Variants in SLC30A7 observed in about 807,000 individuals in gnomAD.
SLC30A7 encodes solute carrier family 30 member 7.
In SLC30A7, 35 loss-of-function variants were observed where a neutral mutation model predicts 46.0. The observed-to-expected ratio is 0.76, with a 90% confidence interval of 0.58 to 1.01. The LOEUF (loss-of-function observed/expected upper bound fraction) is 1.01. Among genes scored for constraint, SLC30A7 ranks in the 50% least tolerant of loss-of-function variants. The pLI is 0.00. For missense variants in SLC30A7, 464 were observed against 451.1 expected (o/e 1.03, Z -0.26); for synonymous variants, 147 against 157.8 (o/e 0.93, Z 0.51).
At chr1:100,934,627 T>TA (rs1653844315) in intron 8 of SLC30A7, among the ~76,000 whole-genome samples, 1 of 151,164 alleles carries the variant, frequency 6.6e-6, no homozygotes, top group Non-Finnish European at 1.5e-5. Flanking sequence ...AGAACACATC[T>TA]AGTGAGGATA....
At chr1:100,915,134 C>A (rs2101022508) in intron 6 of SLC30A7, among the ~76,000 whole-genome samples, 1 of 151,370 alleles carries the variant, frequency 6.6e-6, no homozygotes, top group East Asian at 1.9e-4. Context: ...CTTTTCTTTT[C>A]TTCTTTCTTT....
chr1:100,961,979 G>C (rs1432352920), intron 9 of SLC30A7, 61 bp downstream of exon 9: 2 of 1,061,518 alleles, frequency 1.9e-6, no homozygotes, highest in Non-Finnish European at 2.8e-6. Flanking sequence ...TTGATTTTCA[G>C]CTTTCACAAA....
chr1:100,990,952 G>A, the SLC30A7 span, among the ~76,000 whole-genome samples: 1 of 152,116 alleles, frequency 6.6e-6, no homozygotes, highest in African/African-American at 2.4e-5. Flanking sequence ...AGTAAACAAT[G>A]TTTATTACAC....
At chr1:100,941,701 G>T in intron 8 of SLC30A7, 1 of 643,830 alleles carries the variant, frequency 1.6e-6, no homozygotes, top group South Asian at 1.4e-5. Flanking sequence ...AGCTCTCTTT[G>T]GTTCCACAAC....
intron 3 of SLC30A7, among the ~76,000 whole-genome samples, chr1:100,909,171 G>A (rs577998307): frequency 6.6e-6 from 1 of 152,206 alleles, no homozygotes; most frequent in African/African-American, 2.4e-5. Context: ...AACTACTGGT[G>A]TCAGTGAATC....
At chr1:100,988,591 A>G in the SLC30A7 span, among the ~76,000 whole-genome samples, 2 of 152,208 alleles carry the variant, frequency 1.3e-5, no homozygotes, top group Non-Finnish European at 2.9e-5. Context: ...CATGCCTGTA[A>G]TCCCAGCACT....
intron 8 of SLC30A7, among the ~76,000 whole-genome samples, chr1:100,956,999 A>T (rs1655257300): frequency 6.6e-6 from 1 of 152,188 alleles, no homozygotes; most frequent in Non-Finnish European, 1.5e-5. Context: ...TTTCTCTGAG[A>T]TGAAATATTC....
chr1:100,993,934 G>A, the SLC30A7 span, among the ~76,000 whole-genome samples: 22 of 151,928 alleles, frequency 1.4e-4, no homozygotes, highest in Non-Finnish European at 2.1e-4. Context: ...AGTACAGACG[G>A]GGTTTCACCA....
intron 8 of SLC30A7, among the ~76,000 whole-genome samples, chr1:100,948,341 C>A (rs1205758448): frequency 6.6e-6 from 1 of 152,160 alleles, no homozygotes; most frequent in Non-Finnish European, 1.5e-5. Flanking sequence ...GTTGAAAATT[C>A]TTTTCTTTAA....
At chr1:100,965,696 G>T in intron 9 of SLC30A7, 73 bp from the exon 10 acceptor site, 1 of 1,236,876 alleles carries the variant, frequency 8.1e-7, no homozygotes, top group Non-Finnish European at 1.2e-6. Context: ...TTACTGATAT[G>T]TTGCATAATA....
At chr1:100,905,575 T>C (rs1433945665) in intron 2 of SLC30A7, among the ~76,000 whole-genome samples, 1 of 152,148 alleles carries the variant, frequency 6.6e-6, no homozygotes, top group Non-Finnish European at 1.5e-5. Context: ...TTTGGGATGC[T>C]CTGCTTTTTT....
At position 100,915,260 on chromosome 1, in the gene SLC30A7, T is replaced by TCTTC. The variant is rs1557981562; in HGVS notation, c.655+1457_655+1458insCCTT. On this transcript the variant is annotated intron_variant, in intron 6 of 10. Coordinates refer to ENST00000357650, the MANE Select transcript of SLC30A7 (RefSeq NM_133496.5). ...TTCTTTCTTTCTTTCTTTCTTCCTT[T>TCTTC]CTTTCTTTCTTTCTACTTTTGCAGT... Among the ~76,000 whole-genome samples the TCTTC allele has an allele frequency of 1.0e-4, 14 of 136,850 alleles. No homozygotes were observed. The East Asian group carries it at 2.7e-3, about 27-fold the overall frequency. 89.8% of individuals were successfully genotyped at this position (136,850 alleles called of 152,430 possible).
chr1:100,947,436 G>A (rs1479612835), intron 8 of SLC30A7, among the ~76,000 whole-genome samples: 1 of 152,138 alleles, frequency 6.6e-6, no homozygotes, highest in East Asian at 1.9e-4. Flanking sequence ...TGTGATTTCT[G>A]TTCTTTTACA....
rs1470284419 is a variant in SLC30A7, at chr1:100,981,022, T to C, written c.*6165T>C. 6.6e-6 allele frequency: 1 copy of C among 152,146 alleles called. No individual in the cohort carries two copies. Among genetic ancestry groups the C allele is most frequent in the African/African-American group, 2.4e-5 (1 of 41,446 alleles). 9.4% of individuals were successfully genotyped at this position (152,146 alleles called of 1,614,324 possible). A position where few individuals can be genotyped will look rare whatever the true frequency, so the allele number is the denominator to read the frequency against. On this transcript the variant is annotated 3_prime_UTR_variant, in exon 11 of 11. Coordinates refer to ENST00000357650, the MANE Select transcript of SLC30A7 (RefSeq NM_133496.5). ...ATTTTTTACCTTTCTCTTTTTCCTC[T>C]CAAACACAAAATTTTAGTAGTACCT...
At chr1:100,967,079 TAAG>T (rs1655910130) in intron 10 of SLC30A7, among the ~76,000 whole-genome samples, 1 of 152,188 alleles carries the variant, frequency 6.6e-6, no homozygotes. Flanking sequence ...ATTGGGAGAA[TAAG>T]AAGGTCATGT....
chr1:100,912,562 A>T (rs1481976991), intron 5 of SLC30A7, among the ~76,000 whole-genome samples: 4 of 152,070 alleles, frequency 2.6e-5, no homozygotes. Context: ...AGTGGCTTAC[A>T]CCTATAATTC....
chr1:100,987,941 C>G, the SLC30A7 span, among the ~76,000 whole-genome samples: 1 of 152,116 alleles, frequency 6.6e-6, no homozygotes, highest in Non-Finnish European at 1.5e-5. Flanking sequence ...GTTTGGGAAG[C>G]TCAAGGTTCT....
intron 6 of SLC30A7, among the ~76,000 whole-genome samples, chr1:100,915,824 A>G (rs1332353596): frequency 6.6e-6 from 1 of 152,090 alleles, no homozygotes; most frequent in Non-Finnish European, 1.5e-5. Context: ...TAGTTCCATT[A>G]TTGTTTTTTT....
At chr1:100,937,083 A>G (rs1014640931) in intron 8 of SLC30A7, among the ~76,000 whole-genome samples, 3 of 152,106 alleles carry the variant, frequency 2.0e-5, no homozygotes, top group Non-Finnish European at 4.4e-5. Flanking sequence ...ATTTTTGCTT[A>G]GCATTTTACA....
Sources: gnomAD v4.1 joint callset for allele counts (sites outside exome capture counted in the v4.1 genomes callset) on GRCh38, gnomAD v4.1.1 for gene constraint, MANE v1.5 for transcripts, NCBI Gene and HGNC (gene_info 2026-07-23, HGNC 2026-07-21) for gene names.